Variants in KIAA1217 observed in about 807,000 individuals in gnomAD.
KIAA1217 encodes the protein KIAA1217.
Under a neutral mutation model 163.9 loss-of-function variants are expected in KIAA1217, and 88 were observed. That is an observed-to-expected ratio of 0.54 (90% CI 0.45 to 0.64). The LOEUF is 0.64. Ranked by LOEUF, KIAA1217 falls within the 30% of genes least tolerant of loss-of-function variation. The pLI, the probability that KIAA1217 is intolerant of heterozygous loss-of-function variation, is 0.00. For synonymous variants in KIAA1217, 903 were observed against 923.1 expected, an observed-to-expected ratio of 0.98 and a Z score of 0.39; for missense variants, 2,372 against 2,475.0, an observed-to-expected ratio of 0.96 and a Z score of 0.88.
At chr10:23,737,939 T>C (rs1031217562) in intron 1 of KIAA1217, among the ~76,000 whole-genome samples, 5 of 152,122 alleles carry the variant, frequency 3.3e-5, no homozygotes, top group African/African-American at 1.2e-4. Flanking sequence ...TATAAGACTT[T>C]TTCATCTTGT....
Position 24,439,036 on chromosome 10 carries a change from G to C in KIAA1217, c.846+557G>C, listed in dbSNP as rs151085976. On this transcript the variant is annotated intron_variant, in intron 5 of 20. Transcript: ENST00000376454. The stretch of plus-strand genomic sequence containing the variant: ...TGCTGAGGTCATAATACAAAAATCC[G>C]CATGATTTGGGAACTAAAATTCTCT... Among the ~76,000 whole-genome samples the C allele has an allele frequency of 5.8e-4, 89 of 152,150 alleles. No individual in the cohort carries two copies. In the Middle Eastern group the frequency reaches 0.014, roughly 23 times the overall value.
At chr10:24,487,324 C>T (rs931925994) in intron 6 of KIAA1217, among the ~76,000 whole-genome samples, 10 of 152,216 alleles carry the variant, frequency 6.6e-5, no homozygotes, top group Non-Finnish European at 1.3e-4. Flanking sequence ...CCAAGTCATC[C>T]GAAGCCTAGG....
At chr10:24,292,960 A>T (rs2079242545) in intron 2 of KIAA1217, among the ~76,000 whole-genome samples, 1 of 152,174 alleles carries the variant, frequency 6.6e-6, no homozygotes, top group Non-Finnish European at 1.5e-5. Context: ...GCACTCTGTG[A>T]ACCAGAAGGC....
At chr10:24,033,680 G>T (rs1690233315) in intron 2 of KIAA1217, among the ~76,000 whole-genome samples, 1 of 152,182 alleles carries the variant, frequency 6.6e-6, no homozygotes, top group Admixed American at 6.5e-5. Flanking sequence ...CCATATAGCA[G>T]GTATTGGTCA....
intron 1 of KIAA1217, among the ~76,000 whole-genome samples, chr10:23,769,565 A>G (rs1834705426): frequency 1.3e-5 from 2 of 152,196 alleles, no homozygotes; most frequent in Non-Finnish European, 2.9e-5. Context: ...TAAATTATAA[A>G]CTATAAATTA....
At chr10:23,893,803 G>A (rs1841535345) in intron 1 of KIAA1217, among the ~76,000 whole-genome samples, 1 of 152,058 alleles carries the variant, frequency 6.6e-6, no homozygotes, top group Non-Finnish European at 1.5e-5. Context: ...GATCAAGTGG[G>A]CTTCATCCCT....
At chr10:24,361,713 C>T (rs1307197282) in intron 2 of KIAA1217, among the ~76,000 whole-genome samples, 1 of 152,014 alleles carries the variant, frequency 6.6e-6, no homozygotes, top group Non-Finnish European at 1.5e-5. Context: ...CGATGGCTCA[C>T]GCCTGTAATC....
intron 2 of KIAA1217, among the ~76,000 whole-genome samples, chr10:24,055,075 C>A (rs1849793074): frequency 6.6e-6 from 1 of 151,902 alleles, no homozygotes; most frequent in Non-Finnish European, 1.5e-5. Context: ...GAGACCATCC[C>A]ACAGAACATG....
At chr10:24,223,515 G>A (rs2069962131) in intron 2 of KIAA1217, among the ~76,000 whole-genome samples, 1 of 152,106 alleles carries the variant, frequency 6.6e-6, no homozygotes, top group South Asian at 2.1e-4. Flanking sequence ...TGAGAAGGAA[G>A]TCAGATAACA....
intron 2 of KIAA1217, chr10:24,042,262 T>C (rs1848669954): frequency 6.6e-6 from 1 of 151,858 alleles, no homozygotes; most frequent in Non-Finnish European, 1.5e-5. Context: ...TTTTTTTTCT[T>C]GTTGTTTTTT....
intron 1 of KIAA1217, among the ~76,000 whole-genome samples, chr10:23,984,975 T>C (rs1051907776): frequency 1.9e-4 from 29 of 151,854 alleles, no homozygotes; most frequent in South Asian, 4.2e-4. Flanking sequence ...TTCCAGTCAG[T>C]TCTATGTGCC....
chr10:24,211,298 A>C (rs1382819951), intron 1 of KIAA1217, among the ~76,000 whole-genome samples: 1 of 151,304 alleles, frequency 6.6e-6, no homozygotes, highest in Non-Finnish European at 1.5e-5. Flanking sequence ...GGCCCATGAA[A>C]CCATTGTAAG....
At chr10:24,177,913 C>T (rs1188773533) in intron 2 of KIAA1217, among the ~76,000 whole-genome samples, 1 of 152,136 alleles carries the variant, frequency 6.6e-6, no homozygotes, top group Non-Finnish European at 1.5e-5. Context: ...TGGCTGATTG[C>T]AAGAAGGAGC....
chr10:24,367,734 T>G (rs1364120409), intron 2 of KIAA1217, among the ~76,000 whole-genome samples: 3 of 152,342 alleles, frequency 2.0e-5, no homozygotes, highest in African/African-American at 7.2e-5. Flanking sequence ...ACACATTTCT[T>G]TAGAACTTAT....
intron 1 of KIAA1217, among the ~76,000 whole-genome samples, chr10:23,733,763 C>G (rs993042598): frequency 6.6e-6 from 1 of 152,050 alleles, no homozygotes; most frequent in Non-Finnish European, 1.5e-5. Flanking sequence ...CTGCACTTAA[C>G]TGTATAATAG....
chr10:23,909,960 G>T (rs570204158), intron 1 of KIAA1217, among the ~76,000 whole-genome samples: 1 of 152,126 alleles, frequency 6.6e-6, no homozygotes. Flanking sequence ...AGCATCTGTC[G>T]TTTCCTGACT....
chr10:24,191,897 G>C (rs904692362), intron 2 of KIAA1217, among the ~76,000 whole-genome samples: 1 of 152,200 alleles, frequency 6.6e-6, no homozygotes, highest in Non-Finnish European at 1.5e-5. Flanking sequence ...GGGACTACAA[G>C]TGTGCACCAC....
intron 5 of KIAA1217, among the ~76,000 whole-genome samples, chr10:24,470,967 C>T (rs192109469): frequency 5.9e-5 from 9 of 152,248 alleles, no homozygotes; most frequent in East Asian, 1.9e-4. Context: ...CTCTCCATGG[C>T]GCTTGGGAGT....
At chr10:24,306,952 C>T (rs1307936164) in intron 2 of KIAA1217, among the ~76,000 whole-genome samples, 2 of 152,196 alleles carry the variant, frequency 1.3e-5, no homozygotes, top group Non-Finnish European at 2.9e-5. Context: ...GAAATGACGG[C>T]TACCTGCCGG....
Sources: gnomAD v4.1 joint callset for allele counts (sites outside exome capture counted in the v4.1 genomes callset) on GRCh38, gnomAD v4.1.1 for gene constraint, MANE v1.5 for transcripts, NCBI Gene and HGNC (gene_info 2026-07-23, HGNC 2026-07-21) for gene names.